Variants in WWOX observed in about 807,000 individuals in gnomAD.
The protein encoded by WWOX is WW domain-containing oxidoreductase.
In WWOX, 69 loss-of-function variants were observed where a neutral mutation model predicts 46.2. The ratio of observed to expected loss-of-function variants is 1.49; its 90% CI spans 1.23 to 1.82. The LOEUF is 1.82. Among genes scored for constraint, WWOX ranks in the 40% most tolerant of loss-of-function variants. The pLI, the probability that WWOX is intolerant of heterozygous loss-of-function variation, is 0.00. For missense variants in WWOX, 919 were observed against 542.6 expected, an observed-to-expected ratio of 1.69 and a Z score of -6.89; for synonymous variants, 359 against 202.6, an observed-to-expected ratio of 1.77 and a Z score of -6.56.
Position 79,211,929 on chromosome 16 carries a change from A to T in WWOX, c.*133A>T. 7 of 1,538,844 alleles carry T rather than the reference A, an allele frequency of 4.5e-6. No homozygotes were observed. The highest frequency in any genetic ancestry group is 1.4e-5 in the African/African-American group (1 of 73,104). Reference sequence around the variant, plus strand: ...AGTAAAGGAAATAAGAGCAGTCACAACAGAGTGAAAAATCTTAAGTACCAA... The same window carrying T: ...AGTAAAGGAAATAAGAGCAGTCACATCAGAGTGAAAAATCTTAAGTACCAA... On this transcript the variant is annotated 3_prime_UTR_variant, in exon 9 of 9. Transcript: ENST00000566780.
intron 5 of WWOX, among the ~76,000 whole-genome samples, chr16:78,166,334 A>G (rs1035339943): frequency 5.9e-5 from 9 of 152,138 alleles, no homozygotes; most frequent in African/African-American, 2.2e-4. Flanking sequence ...TTGTTATTCC[A>G]AGCAATGGTG....
At position 79,025,348 on chromosome 16, in the gene WWOX, A is replaced by T. The variant is rs116745268; in HGVS notation, c.1057-186260A>T. On this transcript the variant is annotated intron_variant, in intron 8 of 8. Coordinates refer to ENST00000566780, the MANE Select transcript of WWOX (RefSeq NM_016373.4). ...AAAAGATATGTTCACTGGAACCTAG[A>T]CATTTGAGAAAAAGGGTCTTTGCAG... Among the ~76,000 whole-genome samples, 1,132 of 152,302 alleles carry T rather than the reference A, an allele frequency of 7.4e-3. 23 individuals are homozygous for T. The highest frequency in any genetic ancestry group is 0.026 in the African/African-American group (1,072 of 41,548).
chr16:78,702,100 T>TTTTATATATATATATATATA (rs1491267639), intron 8 of WWOX, among the ~76,000 whole-genome samples: 9 of 81,262 alleles, frequency 1.1e-4, no homozygotes, highest in African/African-American at 6.2e-4. Context: ...ATCTATAAAG[T>TTTTATATATATATATATATA]TATATATATA....
intron 5 of WWOX, among the ~76,000 whole-genome samples, chr16:78,175,754 A>T (rs533686605): frequency 6.6e-6 from 1 of 152,346 alleles, no homozygotes; most frequent in Middle Eastern, 3.4e-3. Flanking sequence ...ATATGGTAAG[A>T]TACCAAATGG....
intron 8 of WWOX, among the ~76,000 whole-genome samples, chr16:79,083,041 C>T (rs1348725713): frequency 1.3e-5 from 2 of 152,112 alleles, no homozygotes; most frequent in African/African-American, 4.8e-5. Context: ...AACTTGGGGC[C>T]TCTTGTTTCA....
chr16:78,324,550 A>G (rs971214914), intron 5 of WWOX, among the ~76,000 whole-genome samples: 8 of 152,310 alleles, frequency 5.3e-5, no homozygotes, highest in South Asian at 2.1e-4. Context: ...TCAATGGACA[A>G]ATGGATAAAT....
chr16:78,380,928 T>TA, intron 5 of WWOX, among the ~76,000 whole-genome samples: 1 of 152,324 alleles, frequency 6.6e-6, no homozygotes, highest in South Asian at 2.1e-4. Flanking sequence ...TGAGAGCCCA[T>TA]TGTGTGGCTT....
At chr16:78,931,408 T>A (rs2045621629) in intron 8 of WWOX, among the ~76,000 whole-genome samples, 1 of 152,060 alleles carries the variant, frequency 6.6e-6, no homozygotes, top group South Asian at 2.1e-4. Context: ...GGAGGGAGAA[T>A]GGGAAGTCCT....
At chr16:78,270,922 G>T (rs1363301347) in intron 5 of WWOX, among the ~76,000 whole-genome samples, 7 of 152,274 alleles carry the variant, frequency 4.6e-5, no homozygotes, top group African/African-American at 1.7e-4. Flanking sequence ...CAGAGAAAAT[G>T]TGTCAACCCT....
At position 78,568,377 on chromosome 16, in the gene WWOX, C is replaced by T. The variant is rs534620611; in HGVS notation, c.1056+135625C>T. Among the ~76,000 whole-genome samples the T allele has an allele frequency of 5.9e-5, 9 of 151,956 alleles. No individual in the cohort carries two copies. In the South Asian group the frequency reaches 1.9e-3, roughly 32 times the overall value. On this transcript the variant is annotated intron_variant, in intron 8 of 8. Transcript: ENST00000566780. ...GCAAGAACCGTGGCAGTACTCAGAC[C>T]ATTTAGAATCACTTTGAGTTATTAC...
intron 8 of WWOX, among the ~76,000 whole-genome samples, chr16:78,941,969 A>G (rs903158324): frequency 2.0e-5 from 3 of 152,120 alleles, no homozygotes; most frequent in Non-Finnish European, 2.9e-5. Flanking sequence ...GAAAATGTAG[A>G]TGAATGTGGG....
intron 8 of WWOX, among the ~76,000 whole-genome samples, chr16:79,076,431 A>C (rs975719567): frequency 1.3e-5 from 2 of 152,174 alleles, no homozygotes; most frequent in African/African-American, 4.8e-5. Context: ...TTGTGAATCT[A>C]TGGAAGACTC....
At chr16:78,403,255 A>G (rs1158803584) in intron 6 of WWOX, among the ~76,000 whole-genome samples, 6 of 152,220 alleles carry the variant, frequency 3.9e-5, no homozygotes, top group Non-Finnish European at 7.3e-5. Context: ...GCCACCACCT[A>G]TTAAAGCCCA....
At chr16:78,271,609 G>A (rs1004437429) in intron 5 of WWOX, among the ~76,000 whole-genome samples, 1 of 152,204 alleles carries the variant, frequency 6.6e-6, no homozygotes, top group African/African-American at 2.4e-5. Context: ...GAAGGTCAGT[G>A]CTTGTTCACC....
At chr16:78,467,828 G>A (rs1459199884) in intron 8 of WWOX, among the ~76,000 whole-genome samples, 1 of 152,150 alleles carries the variant, frequency 6.6e-6, no homozygotes, top group Non-Finnish European at 1.5e-5. Flanking sequence ...TTCATACAAA[G>A]CTATGAAGCA....
At chr16:78,655,391 C>G (rs907631632) in intron 8 of WWOX, among the ~76,000 whole-genome samples, 11 of 152,134 alleles carry the variant, frequency 7.2e-5, no homozygotes, top group Admixed American at 1.3e-4. Flanking sequence ...CTTGAGGGAA[C>G]AAGTAAATTA....
At chr16:78,866,152 C>G (rs1266674977) in intron 8 of WWOX, among the ~76,000 whole-genome samples, 1 of 152,154 alleles carries the variant, frequency 6.6e-6, no homozygotes, top group African/African-American at 2.4e-5. Flanking sequence ...CCATCTAGCT[C>G]CTGGGCTAAC....
chr16:79,108,146 G>A (rs1441417899), intron 8 of WWOX, among the ~76,000 whole-genome samples: 1 of 152,196 alleles, frequency 6.6e-6, no homozygotes, highest in Non-Finnish European at 1.5e-5. Flanking sequence ...TCATAAAATA[G>A]GCACTCTGTT....
At chr16:78,718,590 C>G (rs1246784006) in intron 8 of WWOX, among the ~76,000 whole-genome samples, 1 of 152,010 alleles carries the variant, frequency 6.6e-6, no homozygotes. Flanking sequence ...GCCTCTAATC[C>G]TAGGTACTCT....
Sources: gnomAD v4.1 joint callset for allele counts (sites outside exome capture counted in the v4.1 genomes callset) on GRCh38, gnomAD v4.1.1 for gene constraint, MANE v1.5 for transcripts, NCBI Gene and HGNC (gene_info 2026-07-23, HGNC 2026-07-21) for gene names.